TRAPPC9: variants seen among roughly 807,000 people sequenced by gnomAD.
The protein encoded by TRAPPC9 is trafficking protein particle complex subunit 9.
A neutral mutation model predicts 124.0 loss-of-function variants in TRAPPC9; 83 were observed. The ratio of observed to expected loss-of-function variants is 0.67; its 90% CI spans 0.56 to 0.80. TRAPPC9 has a LOEUF of 0.80. Among genes scored for constraint, TRAPPC9 ranks in the 30% least tolerant of loss-of-function variants. The probability of loss-of-function intolerance (pLI) is 0.00; values close to 1 mark genes in which losing one functional copy is unlikely to be tolerated. For synonymous variants in TRAPPC9, 638 were observed against 617.5 expected (o/e 1.03, Z -0.49); for missense variants, 1,302 against 1,508.3 (o/e 0.86, Z 2.27).
At position 139,728,271 on chromosome 8, in the gene TRAPPC9, G is replaced by A. The variant is rs926264589; in HGVS notation, c.*2790C>T. ...ACGGCTGCATGATTATGGGGTCACCGGGCCTGTCCTGGCCCTGAGGGACCA... is the reference window on the plus strand; with the variant it reads ...ACGGCTGCATGATTATGGGGTCACCAGGCCTGTCCTGGCCCTGAGGGACCA... On this transcript the variant is annotated 3_prime_UTR_variant, in exon 23 of 23. Coordinates refer to ENST00000438773, the MANE Select transcript of TRAPPC9 (RefSeq NM_001160372.4). Among the ~76,000 whole-genome samples the A allele has an allele frequency of 6.6e-6, 1 of 152,112 alleles. No individual in the cohort carries two copies. Among genetic ancestry groups the A allele is most frequent in the Non-Finnish European group, 1.5e-5 (1 of 68,022 alleles).
At chr8:139,799,564 C>A (rs1485993990) in intron 21 of TRAPPC9, among the ~76,000 whole-genome samples, 8 of 152,220 alleles carry the variant, frequency 5.3e-5, no homozygotes, top group Admixed American at 5.2e-4. Context: ...CTTCCTCAGA[C>A]TGCATTTGCT....
chr8:140,437,598 T>C lies in TRAPPC9; in HGVS notation c.730+1454A>G, dbSNP rs1455011531. 2.6e-5 allele frequency among the ~76,000 whole-genome samples: 4 copies of C among 152,202 alleles called. 1 individual carries two copies. Among genetic ancestry groups the C allele is most frequent in the Admixed American group, 2.6e-4 (4 of 15,266 alleles). ...AAGATCATGCCACTGCACTCCAGCC[T>C]GGGCAACAGAGCGAGACTCCGTCCC... is the stretch of plus-strand genomic sequence containing the variant. On this transcript the variant is annotated intron_variant, in intron 3 of 22. Transcript: ENST00000438773.
At chr8:139,767,264 C>T (rs1820642688) in intron 21 of TRAPPC9, among the ~76,000 whole-genome samples, 1 of 152,232 alleles carries the variant, frequency 6.6e-6, no homozygotes, top group African/African-American at 2.4e-5. Flanking sequence ...AGATGTGAGC[C>T]AAGTCTGTGC....
chr8:140,034,155 T>G (rs1563707509), intron 17 of TRAPPC9, among the ~76,000 whole-genome samples: 2 of 152,210 alleles, frequency 1.3e-5, no homozygotes, highest in Non-Finnish European at 2.9e-5. Flanking sequence ...AAGTGTGTGT[T>G]TGTACCCAAC....
At chr8:139,756,422 G>A (rs1819785517) in intron 21 of TRAPPC9, among the ~76,000 whole-genome samples, 5 of 129,062 alleles carry the variant, frequency 3.9e-5, no homozygotes, top group East Asian at 2.4e-4. Context: ...ATCACAGGAG[G>A]AGCCAGGGTT....
intron 19 of TRAPPC9, among the ~76,000 whole-genome samples, chr8:139,910,740 C>A (rs563238275): frequency 6.6e-6 from 1 of 151,662 alleles, no homozygotes; most frequent in Admixed American, 6.6e-5. Flanking sequence ...GCCTCCTCCC[C>A]CTACCATTTC....
chr8:139,817,826 G>A (rs1824960850), intron 21 of TRAPPC9, among the ~76,000 whole-genome samples: 1 of 152,172 alleles, frequency 6.6e-6, no homozygotes, highest in South Asian at 2.1e-4. Flanking sequence ...ATACCTCCAG[G>A]CTATGGGAAC....
intron 21 of TRAPPC9, among the ~76,000 whole-genome samples, chr8:139,794,272 C>T (rs538712880): frequency 1.3e-3 from 200 of 152,272 alleles, no homozygotes; most frequent in Non-Finnish European, 2.1e-3. Flanking sequence ...AACGATGTGC[C>T]GTGGGGTCAA....
intron 21 of TRAPPC9, among the ~76,000 whole-genome samples, chr8:139,798,205 G>A (rs1038779232): frequency 1.8e-4 from 28 of 152,154 alleles, no homozygotes; most frequent in African/African-American, 6.8e-4. Context: ...GTAATTTTCA[G>A]TGTACATGCT....
intron 21 of TRAPPC9, among the ~76,000 whole-genome samples, chr8:139,853,198 C>T (rs1395756699): frequency 1.3e-5 from 2 of 152,192 alleles, no homozygotes; most frequent in Non-Finnish European, 2.9e-5. Context: ...TTCCCAAGCT[C>T]GGCTCCTGTA....
intron 20 of TRAPPC9, among the ~76,000 whole-genome samples, chr8:139,908,461 T>C (rs1310694614): frequency 6.6e-6 from 1 of 152,090 alleles, no homozygotes; most frequent in African/African-American, 2.4e-5. Flanking sequence ...ATCAGAAACA[T>C]GGGCCTATCA....
chr8:139,796,105 G>A (rs896890859), intron 21 of TRAPPC9, among the ~76,000 whole-genome samples: 4 of 144,940 alleles, frequency 2.8e-5, no homozygotes, highest in Admixed American at 7.0e-5. Context: ...AAGAGGAGGA[G>A]GAAGAGGAGG....
At position 139,788,394 on chromosome 8, in the gene TRAPPC9, T is replaced by G. The variant is rs1172442496; in HGVS notation, c.3056-56192A>C. On this transcript the variant is annotated intron_variant, in intron 21 of 22. Transcript: ENST00000438773. The surrounding 1 kb of genome is among the most constrained non-coding windows in gnomAD (Gnocchi z 4.9). ...TAAAAATAGCCTGGCCTGTCAAAAC[T>G]GTTAACTATCAGGCAGGGCAAGGAT... Among the ~76,000 whole-genome samples the G allele has an allele frequency of 6.6e-6, 1 of 152,198 alleles. No individual in the cohort carries two copies. Among genetic ancestry groups the G allele is most frequent in the Non-Finnish European group, 1.5e-5 (1 of 68,030 alleles).
chr8:139,853,991 T>A (rs1320124045), intron 21 of TRAPPC9, among the ~76,000 whole-genome samples: 1 of 152,232 alleles, frequency 6.6e-6, no homozygotes, highest in African/African-American at 2.4e-5. Context: ...ATTATTTAAT[T>A]TTATGGTTTA....
At chr8:140,075,381 G>C (rs560419812) in intron 17 of TRAPPC9, among the ~76,000 whole-genome samples, 2 of 152,354 alleles carry the variant, frequency 1.3e-5, no homozygotes, top group East Asian at 3.9e-4. Flanking sequence ...ACGGAGTGAA[G>C]ACAGAGAAGA....
Position 140,252,456 on chromosome 8 carries a change from A to T in TRAPPC9, c.2431+321T>A, listed in dbSNP as rs1188019508. On this transcript the variant is annotated intron_variant, in intron 16 of 22. Coordinates refer to ENST00000438773, the MANE Select transcript of TRAPPC9 (RefSeq NM_001160372.4). The surrounding 1 kb of genome is among the most constrained non-coding windows in gnomAD (Gnocchi z 4.2). Reference sequence around the variant, plus strand: ...AAACTTTATCATCACAGCTAATTAGATGTCTAAAGAATCACAGCAGTTATA... The same window carrying T: ...AAACTTTATCATCACAGCTAATTAGTTGTCTAAAGAATCACAGCAGTTATA... 1 of 352,478 alleles carries T rather than the reference A, an allele frequency of 2.8e-6. No individual in the cohort carries two copies. The highest frequency in any genetic ancestry group is 5.3e-6 in the Non-Finnish European group (1 of 187,332). The allele number at this position is 352,478 out of a possible 1,614,324, so 21.8% of individuals were successfully genotyped here. A position where few individuals can be genotyped will look rare whatever the true frequency, so the allele number is the denominator to read the frequency against.
intron 17 of TRAPPC9, among the ~76,000 whole-genome samples, chr8:140,166,687 G>A (rs921247801): frequency 2.0e-5 from 3 of 152,216 alleles, no homozygotes; most frequent in Non-Finnish European, 2.9e-5. Context: ...AAGGTCACAC[G>A]CAGCAAGAAA....
intron 9 of TRAPPC9, among the ~76,000 whole-genome samples, chr8:140,325,794 T>A (rs777455045): frequency 2.6e-5 from 4 of 151,962 alleles, no homozygotes; most frequent in Admixed American, 2.6e-4. Flanking sequence ...ACCTGACAAA[T>A]AACTAAAAGA....
intron 19 of TRAPPC9, among the ~76,000 whole-genome samples, chr8:139,985,070 T>C (rs942326421): frequency 1.3e-5 from 2 of 152,182 alleles, no homozygotes; most frequent in African/African-American, 4.8e-5. Context: ...AGTATCAATA[T>C]TTATTGAATG....
Sources: gnomAD v4.1 joint callset for allele counts (sites outside exome capture counted in the v4.1 genomes callset) on GRCh38, gnomAD v4.1.1 for gene constraint, Gnocchi (gnomAD v3.1) non-coding constraint, MANE v1.5 for transcripts, NCBI Gene and HGNC (gene_info 2026-07-23, HGNC 2026-07-21) for gene names.